The following ANKS1B variants were observed in gnomAD, a reference collection of about 807,000 sequenced individuals.
ANKS1B encodes the protein ankyrin repeat and sterile alpha motif domain containing 1B.
In ANKS1B, 36 loss-of-function variants were observed where a neutral mutation model predicts 148.3. The observed-to-expected ratio is 0.24, with a 90% CI of 0.19 to 0.32. The LOEUF is 0.32. Ranked by LOEUF, ANKS1B falls within the 10% of genes least tolerant of loss-of-function variation. The pLI is 1.00. For missense variants in ANKS1B, 1,157 were observed against 1,542.6 expected (o/e 0.75, Z 4.19); for synonymous variants, 542 against 560.8 (o/e 0.97, Z 0.47).
intron 17 of ANKS1B, among the ~76,000 whole-genome samples, chr12:98,878,948 G>A (rs1404641039): frequency 6.6e-6 from 1 of 152,160 alleles, no homozygotes; most frequent in Non-Finnish European, 1.5e-5. Flanking sequence ...TCAATGCAGA[G>A]ACTCTAACAA....
At chr12:99,092,488 A>C (rs2054392243) in intron 15 of ANKS1B, among the ~76,000 whole-genome samples, 2 of 152,160 alleles carry the variant, frequency 1.3e-5, no homozygotes, top group South Asian at 4.2e-4. Context: ...AAAAAAAAAA[A>C]AACTTCCTTG....
chr12:99,325,457 T>G (rs1368810137), intron 12 of ANKS1B, among the ~76,000 whole-genome samples: 1 of 152,124 alleles, frequency 6.6e-6, no homozygotes, highest in Non-Finnish European at 1.5e-5. Context: ...GCACCTGCAG[T>G]GGCAGACCAC....
At chr12:98,906,160 C>G (rs932560157) in intron 17 of ANKS1B, among the ~76,000 whole-genome samples, 4 of 152,230 alleles carry the variant, frequency 2.6e-5, no homozygotes, top group Non-Finnish European at 4.4e-5. Flanking sequence ...TCTCCTTTCT[C>G]TCAGCTGCTT....
intron 17 of ANKS1B, among the ~76,000 whole-genome samples, chr12:99,009,484 T>A (rs1309146997): frequency 6.6e-6 from 1 of 152,170 alleles, no homozygotes; most frequent in Non-Finnish European, 1.5e-5. Context: ...CCCTGCAGAA[T>A]CAGCATCCAT....
At chr12:99,756,815 T>C (rs10745870) in intron 8 of ANKS1B, among the ~76,000 whole-genome samples, 66,305 of 151,746 alleles carry the variant, frequency 0.44, 14,879 homozygotes, top group South Asian at 0.61. Flanking sequence ...ATGTGATCTT[T>C]GACAAACCTG....
At chr12:99,818,496 T>G (rs1384866198) in intron 2 of ANKS1B, among the ~76,000 whole-genome samples, 1 of 151,900 alleles carries the variant, frequency 6.6e-6, no homozygotes, top group Non-Finnish European at 1.5e-5. Context: ...TTAAGTTACA[T>G]TGCTAATCAA....
At chr12:99,925,629 A>G (rs997485916) in intron 1 of ANKS1B, among the ~76,000 whole-genome samples, 7 of 152,218 alleles carry the variant, frequency 4.6e-5, no homozygotes, top group African/African-American at 1.7e-4. Context: ...GGACCCTACG[A>G]GCATTTTCCT....
At chr12:99,461,981 C>T (rs1231786476) in intron 10 of ANKS1B, among the ~76,000 whole-genome samples, 2 of 152,172 alleles carry the variant, frequency 1.3e-5, no homozygotes, top group African/African-American at 4.8e-5. Context: ...TTCATCCAAC[C>T]TATCAGTCCC....
chr12:98,928,657 A>T (rs1426966436), intron 17 of ANKS1B, among the ~76,000 whole-genome samples: 1 of 152,016 alleles, frequency 6.6e-6, no homozygotes, highest in African/African-American at 2.4e-5. Context: ...TCAATGCAAT[A>T]CTTTAAATTA....
At chr12:98,736,149 G>A (rs1386641967) in intron 9 of ANKS1B, among the ~76,000 whole-genome samples, 4 of 152,200 alleles carry the variant, frequency 2.6e-5, no homozygotes, top group Non-Finnish European at 5.9e-5. Flanking sequence ...GGGAGCCAGT[G>A]TAGGAGTTTT....
At chr12:99,330,558 T>C (rs748566662) in intron 12 of ANKS1B, among the ~76,000 whole-genome samples, 5 of 152,056 alleles carry the variant, frequency 3.3e-5, no homozygotes, top group African/African-American at 2.4e-5. Context: ...CTGGGATTAT[T>C]TGCATCTGTT....
chr12:99,296,025 T>C (rs2080825835), intron 12 of ANKS1B, among the ~76,000 whole-genome samples: 1 of 152,202 alleles, frequency 6.6e-6, no homozygotes, highest in Admixed American at 6.5e-5. Context: ...TGGTATAAGG[T>C]ATAGATGAGT....
At position 98,773,916 on chromosome 12, in the gene ANKS1B, A is replaced by G. The variant is rs927875584; in HGVS notation, c.3442-737T>C. Among the ~76,000 whole-genome samples the G allele has an allele frequency of 2.0e-5, 3 of 152,298 alleles. 1 individual carries two copies. Among genetic ancestry groups the G allele is most frequent in the Admixed American group, 6.5e-5 (1 of 15,294 alleles). On this transcript the variant is annotated intron_variant, in intron 24 of 26. Coordinates refer to ENST00000683438, the MANE Select transcript of ANKS1B (RefSeq NM_001352186.2). ...AGATCTGACCCAATGAGGCTCTTCA[A>G]ATCCCTCGCCATCATGCTTGCACGT...
At chr12:99,839,571 C>T (rs894600788) in intron 1 of ANKS1B, among the ~76,000 whole-genome samples, 4 of 152,048 alleles carry the variant, frequency 2.6e-5, no homozygotes, top group Middle Eastern at 3.2e-3. Flanking sequence ...TTATAGAACT[C>T]TTAAAAATAT....
At chr12:99,064,491 A>G (rs2043434117) in intron 16 of ANKS1B, among the ~76,000 whole-genome samples, 1 of 152,222 alleles carries the variant, frequency 6.6e-6, no homozygotes, top group Non-Finnish European at 1.5e-5. Context: ...CCTCTGGACA[A>G]AGGCACTGGG....
In ANKS1B at chr12:99,154,189, A is replaced by C. The variant is rs571899698; in HGVS notation, c.2526+100T>G. 4.9e-6 allele frequency: 7 copies of C among 1,441,658 alleles called. No individual in the cohort carries two copies. In the African/African-American group the frequency reaches 9.8e-5, roughly 20 times the overall value. The allele number at this position is 1,441,658 out of a possible 1,614,324, so 89.3% of individuals were successfully genotyped here. On this transcript the variant is annotated intron_variant, in intron 15 of 26. Coordinates refer to ENST00000683438, the MANE Select transcript of ANKS1B (RefSeq NM_001352186.2). ...CAATGCAGTTACATATATAAATCTG[A>C]CCAGTTTTGGTGCAAATCAGGCTGC...
chr12:99,351,905 T>C (rs890179858), intron 12 of ANKS1B: 3 of 152,102 alleles, frequency 2.0e-5, no homozygotes, highest in African/African-American at 4.8e-5. Flanking sequence ...TTGGGCTCTC[T>C]TCACTATGGA....
chr12:99,507,238 T>G (rs968722578), intron 9 of ANKS1B, among the ~76,000 whole-genome samples: 1 of 151,972 alleles, frequency 6.6e-6, no homozygotes, highest in African/African-American at 2.4e-5. Context: ...GTTAAACTCC[T>G]AGTTCCATCC....
intron 10 of ANKS1B, among the ~76,000 whole-genome samples, chr12:99,470,898 A>G (rs1482737330): frequency 6.6e-6 from 1 of 152,144 alleles, no homozygotes; most frequent in Non-Finnish European, 1.5e-5. Flanking sequence ...TTACTATATT[A>G]TTACCATATG....
Sources: gnomAD v4.1 joint callset for allele counts (sites outside exome capture counted in the v4.1 genomes callset) on GRCh38, gnomAD v4.1.1 for gene constraint, MANE v1.5 for transcripts, NCBI Gene and HGNC (gene_info 2026-07-23, HGNC 2026-07-21) for gene names.